The following CAMKMT variants were observed in gnomAD, a reference collection of about 807,000 sequenced individuals.
CAMKMT encodes calmodulin-lysine N-methyltransferase.
Under a neutral mutation model 48.0 loss-of-function variants are expected in CAMKMT, and 53 were observed. The observed-to-expected ratio is 1.10, with a 90% CI of 0.89 to 1.39. The LOEUF is 1.39. Ranked by LOEUF, CAMKMT falls within the 40% of genes most tolerant of loss-of-function variation. CAMKMT has a pLI of 0.00. For missense variants in CAMKMT, 428 were observed against 402.7 expected, an observed-to-expected ratio of 1.06 and a Z score of -0.54; for synonymous variants, 165 against 152.3, an observed-to-expected ratio of 1.08 and a Z score of -0.61.
At chr2:44,366,125 T>C (rs1678566024) in intron 1 of CAMKMT, among the ~76,000 whole-genome samples, 1 of 152,252 alleles carries the variant, frequency 6.6e-6, no homozygotes, top group Non-Finnish European at 1.5e-5. Context: ...ACTTGGCTTT[T>C]AGGGTAACGT....
intron 3 of CAMKMT, among the ~76,000 whole-genome samples, chr2:44,696,513 C>G (rs910425326): frequency 1.3e-5 from 2 of 152,130 alleles, no homozygotes; most frequent in African/African-American, 4.8e-5. Context: ...ACTCTTCTCC[C>G]TCTACTCCAA....
chr2:44,532,649 G>T (rs1666549007), intron 3 of CAMKMT, among the ~76,000 whole-genome samples: 1 of 152,130 alleles, frequency 6.6e-6, no homozygotes, highest in African/African-American at 2.4e-5. Flanking sequence ...AAAGCAAAAG[G>T]GGGCAAATTT....
At chr2:44,768,106 CCT>C (rs1252499254) in intron 10 of CAMKMT, among the ~76,000 whole-genome samples, 3 of 152,132 alleles carry the variant, frequency 2.0e-5, no homozygotes, top group Admixed American at 2.0e-4. Context: ...CAGCACACCT[CCT>C]CTTTTTATTT....
intron 8 of CAMKMT, among the ~76,000 whole-genome samples, chr2:44,753,662 G>A (rs1209099358): frequency 6.6e-6 from 1 of 152,206 alleles, no homozygotes; most frequent in Non-Finnish European, 1.5e-5. Flanking sequence ...TTTGTGGTCT[G>A]AGGGCAGCCA....
At chr2:44,639,353 A>G (rs1395926723) in intron 3 of CAMKMT, among the ~76,000 whole-genome samples, 4 of 152,202 alleles carry the variant, frequency 2.6e-5, no homozygotes, top group Non-Finnish European at 5.9e-5. Flanking sequence ...CTGGGGGGTT[A>G]TATTCAGTTC....
chr2:44,526,319 A>T (rs757310799), intron 3 of CAMKMT, among the ~76,000 whole-genome samples: 2 of 152,218 alleles, frequency 1.3e-5, no homozygotes, highest in Non-Finnish European at 2.9e-5. Flanking sequence ...TTATACATGT[A>T]GATATAAAAT....
intron 1 of CAMKMT, among the ~76,000 whole-genome samples, chr2:44,365,805 G>A (rs1336801491): frequency 5.9e-5 from 9 of 152,188 alleles, no homozygotes; most frequent in Non-Finnish European, 1.2e-4. Flanking sequence ...TGTTACACAC[G>A]TATTTACAAA....
intron 3 of CAMKMT, among the ~76,000 whole-genome samples, chr2:44,426,350 A>G (rs1461082528): frequency 1.3e-5 from 2 of 152,198 alleles, no homozygotes; most frequent in African/African-American, 4.8e-5. Context: ...CAATCAGGCA[A>G]GAGAAAGAAA....
intron 3 of CAMKMT, among the ~76,000 whole-genome samples, chr2:44,594,690 A>T (rs1670544947): frequency 6.6e-6 from 1 of 152,232 alleles, no homozygotes; most frequent in South Asian, 2.1e-4. Context: ...TAAATGTAAG[A>T]CCTAAAACCA....
chr2:44,415,427 A>T (rs1427688739), intron 3 of CAMKMT, among the ~76,000 whole-genome samples: 2 of 152,228 alleles, frequency 1.3e-5, no homozygotes, highest in African/African-American at 2.4e-5. Flanking sequence ...TGTGGTTACA[A>T]ATCAGTCTTG....
intron 3 of CAMKMT, among the ~76,000 whole-genome samples, chr2:44,557,261 CT>C (rs978013161): frequency 5.3e-5 from 8 of 151,406 alleles, no homozygotes; most frequent in Admixed American, 5.3e-4. Flanking sequence ...AAAGATAAAC[CT>C]TTGGTACATT....
At chr2:44,411,514 A>G (rs1167640692) in intron 3 of CAMKMT, among the ~76,000 whole-genome samples, 2 of 152,170 alleles carry the variant, frequency 1.3e-5, no homozygotes, top group African/African-American at 4.8e-5. Flanking sequence ...GGATTAGGTA[A>G]CCTACAGATT....
At chr2:44,724,719 G>A (rs1678683621) in intron 7 of CAMKMT, among the ~76,000 whole-genome samples, 1 of 152,182 alleles carries the variant, frequency 6.6e-6, no homozygotes, top group African/African-American at 2.4e-5. Context: ...TAGTGAAGAT[G>A]TGACCTCAGT....
At chr2:44,559,454 A>G (rs1229440824) in intron 3 of CAMKMT, among the ~76,000 whole-genome samples, 2 of 152,142 alleles carry the variant, frequency 1.3e-5, no homozygotes, top group Admixed American at 6.6e-5. Context: ...GCACCACCTT[A>G]TTTTCATGAC....
chr2:44,498,793 A>G (rs1669875379), intron 3 of CAMKMT, among the ~76,000 whole-genome samples: 1 of 152,260 alleles, frequency 6.6e-6, no homozygotes, highest in African/African-American at 2.4e-5. Context: ...ATCTGTTGCT[A>G]AGGCAACTGA....
intron 3 of CAMKMT, among the ~76,000 whole-genome samples, chr2:44,687,409 G>A (rs1676398145): frequency 6.6e-6 from 1 of 152,110 alleles, no homozygotes; most frequent in South Asian, 2.1e-4. Context: ...CATATAGTAA[G>A]GATTCAGTAA....
At chr2:44,673,524 G>A (rs3106839) in intron 3 of CAMKMT, among the ~76,000 whole-genome samples, 4,543 of 58,132 alleles carry the variant, frequency 0.078, 197 homozygotes, top group African/African-American at 0.17. Context: ...GAAGGAAGGA[G>A]GGAAGGAAGA....
Position 44,588,094 on chromosome 2 carries a change from T to C in CAMKMT, c.377-116189T>C, listed in dbSNP as rs1269635132. Reference sequence around the variant, plus strand: ...GGGGAGCGCCTCTGCCCCGCCGCCCTGTCTGGGATGTGAGGAGCACCTCTG... The same window carrying C: ...GGGGAGCGCCTCTGCCCCGCCGCCCCGTCTGGGATGTGAGGAGCACCTCTG... On this transcript the variant is annotated intron_variant, in intron 3 of 10. Coordinates refer to ENST00000378494, the MANE Select transcript of CAMKMT (RefSeq NM_024766.5). Among the ~76,000 whole-genome samples, 3 of 129,218 alleles carry C rather than the reference T, an allele frequency of 2.3e-5. No homozygotes were observed. In the East Asian group the frequency reaches 6.8e-4, roughly 29 times the overall value. 84.8% of individuals were successfully genotyped at this position (129,218 alleles called of 152,430 possible).
intron 3 of CAMKMT, among the ~76,000 whole-genome samples, chr2:44,520,564 A>C (rs994628968): frequency 2.0e-5 from 3 of 152,140 alleles, no homozygotes; most frequent in Non-Finnish European, 2.9e-5. Context: ...TGCTCCTCTT[A>C]TTTCAAATGC....
Sources: gnomAD v4.1 joint callset for allele counts (sites outside exome capture counted in the v4.1 genomes callset) on GRCh38, gnomAD v4.1.1 for gene constraint, MANE v1.5 for transcripts, NCBI Gene and HGNC (gene_info 2026-07-23, HGNC 2026-07-21) for gene names.